Variants in KIRREL3 observed in about 807,000 individuals in gnomAD.
KIRREL3 encodes the protein kin of IRRE-like protein 3.
A neutral mutation model predicts 89.7 loss-of-function variants in KIRREL3; 36 were observed. The ratio of observed to expected loss-of-function variants is 0.40; its 90% CI spans 0.31 to 0.53. The LOEUF is 0.53. Among genes scored for constraint, KIRREL3 ranks in the 20% least tolerant of loss-of-function variants. KIRREL3 has a pLI of 0.49. For synonymous variants in KIRREL3, 445 were observed against 441.4 expected (o/e 1.01, Z -0.10); for missense variants, 864 against 1,056.6 (o/e 0.82, Z 2.53).
At chr11:126,700,207 A>T (rs1323161480) in intron 1 of KIRREL3, among the ~76,000 whole-genome samples, 4 of 148,518 alleles carry the variant, frequency 2.7e-5, no homozygotes, top group African/African-American at 1.0e-4. Context: ...AAAAAAAAAA[A>T]GAGAGAGAGA....
rs4937129 is a variant in KIRREL3, at chr11:126,429,874, C to T, written c.1697-586G>A. Among the ~76,000 whole-genome samples, 54,922 of 152,064 alleles carry T rather than the reference C, an allele frequency of 0.36. 10,883 individuals carry two copies. Among genetic ancestry groups the T allele is most frequent in the East Asian group, 0.89 (4,594 of 5,156 alleles). The stretch of plus-strand genomic sequence containing the variant: ...ATTCTTGGCTGGGTGCGGTGGCTCA[C>T]GCCTGTAATCCCAGCACTTTGGGAG... On this transcript the variant is annotated intron_variant, in intron 14 of 16. Coordinates refer to ENST00000525144, the MANE Select transcript of KIRREL3 (RefSeq NM_032531.4). This position sits in a 1 kb window ranked among gnomAD's most constrained non-coding sequence, Gnocchi z 5.2.
At position 126,970,181 on chromosome 11, in the gene KIRREL3, C is replaced by T. The variant is rs1420344337; in HGVS notation, c.55+30274G>A. On this transcript the variant is annotated intron_variant, in intron 1 of 16. Coordinates refer to ENST00000525144, the MANE Select transcript of KIRREL3 (RefSeq NM_032531.4). The surrounding 1 kb of genome is among the most constrained non-coding windows in gnomAD (Gnocchi z 4.4). The stretch of plus-strand genomic sequence containing the variant: ...AATTCTTTCTTCTTTCAGTTTTTCG[C>T]TCTTCACAGCTCAGTTAATTCCACT... Among the ~76,000 whole-genome samples, 1 of 152,228 alleles carries T rather than the reference C, an allele frequency of 6.6e-6. No homozygotes were observed. Among genetic ancestry groups the T allele is most frequent in the African/African-American group, 2.4e-5 (1 of 41,464 alleles).
At chr11:126,672,799 T>C (rs1253920720) in intron 1 of KIRREL3, among the ~76,000 whole-genome samples, 1 of 152,202 alleles carries the variant, frequency 6.6e-6, no homozygotes, top group African/African-American at 2.4e-5. Flanking sequence ...CTATGTCCAG[T>C]GAGTTCCTCC....
intron 1 of KIRREL3, among the ~76,000 whole-genome samples, chr11:126,951,540 G>A (rs1392365073): frequency 6.6e-6 from 1 of 152,130 alleles, no homozygotes; most frequent in Non-Finnish European, 1.5e-5. Flanking sequence ...TTCTGCTTAG[G>A]AATGATACAG....
chr11:126,701,074 C>T (rs1196676792), intron 1 of KIRREL3, among the ~76,000 whole-genome samples: 1 of 152,230 alleles, frequency 6.6e-6, no homozygotes, highest in East Asian at 1.9e-4. Flanking sequence ...AACCACACTG[C>T]ATTGTCATGA....
intron 2 of KIRREL3, among the ~76,000 whole-genome samples, chr11:126,545,288 C>T (rs777457238): frequency 1.3e-5 from 2 of 152,086 alleles, no homozygotes; most frequent in Non-Finnish European, 2.9e-5. Context: ...CGGGAGTGAG[C>T]CAGGAGCTTT....
intron 1 of KIRREL3, chr11:126,935,356 C>G (rs573338193): frequency 2.6e-5 from 4 of 151,580 alleles, no homozygotes; most frequent in Non-Finnish European, 4.4e-5. Flanking sequence ...ACTATATGTT[C>G]CAGCAGTTAT....
intron 6 of KIRREL3, among the ~76,000 whole-genome samples, chr11:126,460,757 G>A (rs1253057926): frequency 6.6e-6 from 1 of 152,220 alleles, no homozygotes; most frequent in Non-Finnish European, 1.5e-5. Flanking sequence ...TGGTTAGGAG[G>A]GCGAGTTTCC....
chr11:126,424,252 T>G lies in KIRREL3; in HGVS notation c.*328A>C. 1 of 398,674 alleles carries G rather than the reference T, an allele frequency of 2.5e-6. No individual in the cohort carries two copies. 24.7% of individuals were successfully genotyped at this position (398,674 alleles called of 1,614,324 possible). On this transcript the variant is annotated 3_prime_UTR_variant, in exon 17 of 17. Transcript: ENST00000525144. Reference sequence around the variant, plus strand: ...GACCGCAGTTTCATGAAAGCAGAGTTATAGCTGCCACTTGTGCCTGTGGGC... The same window carrying G: ...GACCGCAGTTTCATGAAAGCAGAGTGATAGCTGCCACTTGTGCCTGTGGGC...
chr11:126,921,694 G>T (rs1452823110), intron 1 of KIRREL3, among the ~76,000 whole-genome samples: 1 of 143,512 alleles, frequency 7.0e-6, no homozygotes, highest in Non-Finnish European at 1.5e-5. Context: ...CTATCTGTCT[G>T]TCTTTCTTTC....
Position 126,563,430 on chromosome 11 carries a change from A to G in KIRREL3, c.56-518T>C, listed in dbSNP as rs149213885. Among the ~76,000 whole-genome samples the G allele has an allele frequency of 1.5e-3, 231 of 152,332 alleles. 3 individuals carry two copies. Among genetic ancestry groups the G allele is most frequent in the Admixed American group, 0.013 (205 of 15,298 alleles). On this transcript the variant is annotated intron_variant, in intron 1 of 16. Transcript: ENST00000525144. This position sits in a 1 kb window ranked among gnomAD's most constrained non-coding sequence, Gnocchi z 6.8. ...GAGGATGAAGTGATTGCGTGAGTTT[A>G]GGGCAGCGGGGCGACACAGAGGTTA... is the stretch of plus-strand genomic sequence containing the variant.
intron 1 of KIRREL3, among the ~76,000 whole-genome samples, chr11:126,827,554 G>A (rs896267315): frequency 6.6e-6 from 1 of 152,170 alleles, no homozygotes; most frequent in Non-Finnish European, 1.5e-5. Flanking sequence ...TTCTAGGGGT[G>A]AGAAAAACAG....
chr11:126,621,721 A>G (rs909597458), intron 1 of KIRREL3, among the ~76,000 whole-genome samples: 10 of 152,182 alleles, frequency 6.6e-5, no homozygotes, highest in African/African-American at 2.2e-4. Flanking sequence ...TTTTACTAGA[A>G]CATTGTTTTC....
chr11:126,809,205 C>G (rs1951302626), intron 1 of KIRREL3, among the ~76,000 whole-genome samples: 1 of 152,156 alleles, frequency 6.6e-6, no homozygotes, highest in South Asian at 2.1e-4. Flanking sequence ...GTCATGAAAA[C>G]AAGCTCTGAC....
rs1950776628 is a variant in KIRREL3, at chr11:126,795,423, G to T, written c.55+205032C>A. Among the ~76,000 whole-genome samples the T allele has an allele frequency of 6.6e-6, 1 of 152,198 alleles. No individual in the cohort carries two copies. Among genetic ancestry groups the T allele is most frequent in the African/African-American group, 2.4e-5 (1 of 41,456 alleles). On this transcript the variant is annotated intron_variant, in intron 1 of 16. Coordinates refer to ENST00000525144, the MANE Select transcript of KIRREL3 (RefSeq NM_032531.4). This position sits in a 1 kb window ranked among gnomAD's most constrained non-coding sequence, Gnocchi z 4.1. ...CTCAGTCTGTGACCCAGCCTGGAGT[G>T]CAGTGGCGTGATCTCTGCTCACTGC...
rs984879316 is a variant in KIRREL3, at chr11:126,808,018, T to A, written c.55+192437A>T. Among the ~76,000 whole-genome samples the A allele has an allele frequency of 2.0e-5, 3 of 152,140 alleles. No homozygotes were observed. In the East Asian group the frequency reaches 5.8e-4, roughly 29 times the overall value. ...TGTGTGAGGCTCAGCACTGGATAAA[T>A]GGGGAAAGAATGAATGTCTGAACTA... On this transcript the variant is annotated intron_variant, in intron 1 of 16. Coordinates refer to ENST00000525144, the MANE Select transcript of KIRREL3 (RefSeq NM_032531.4). This position sits in a 1 kb window ranked among gnomAD's most constrained non-coding sequence, Gnocchi z 4.1.
rs1948281449 is a variant in KIRREL3, at chr11:126,724,066, C to A, written c.56-161154G>T. Among the ~76,000 whole-genome samples, 1 of 152,138 alleles carries A rather than the reference C, an allele frequency of 6.6e-6. No individual in the cohort carries two copies. Among genetic ancestry groups the A allele is most frequent in the Admixed American group, 6.5e-5 (1 of 15,272 alleles). On this transcript the variant is annotated intron_variant, in intron 1 of 16. Coordinates refer to ENST00000525144, the MANE Select transcript of KIRREL3 (RefSeq NM_032531.4). This position sits in a 1 kb window ranked among gnomAD's most constrained non-coding sequence, Gnocchi z 4.3. ...GGCTGTTCCATTTGAGCCTTTTTGT[C>A]TTGCTTGGCTCTTTGTCAAAACCAA...
intron 1 of KIRREL3, among the ~76,000 whole-genome samples, chr11:126,599,615 C>T (rs1326028274): frequency 6.6e-6 from 1 of 152,194 alleles, no homozygotes; most frequent in Non-Finnish European, 1.5e-5. Flanking sequence ...TGTCATTCCT[C>T]ATGCCTAGCC....
intron 1 of KIRREL3, among the ~76,000 whole-genome samples, chr11:126,911,982 C>CAAAAA (rs34548052): frequency 7.6e-5 from 7 of 91,674 alleles, no homozygotes; most frequent in South Asian, 4.4e-4. Context: ...GACTCTGTCT[C>CAAAAA]AAAAAAAAAA....
Sources: gnomAD v4.1 joint callset for allele counts (sites outside exome capture counted in the v4.1 genomes callset) on GRCh38, gnomAD v4.1.1 for gene constraint, Gnocchi (gnomAD v3.1) non-coding constraint, MANE v1.5 for transcripts, NCBI Gene and HGNC (gene_info 2026-07-23, HGNC 2026-07-21) for gene names.